EIF3F: variants seen among roughly 807,000 people sequenced by gnomAD.
EIF3F encodes deubiquitinating enzyme eIF3f.
In EIF3F, 8 loss-of-function variants were observed where a neutral mutation model predicts 36.0. That is an observed-to-expected ratio of 0.22 (90% CI 0.13 to 0.40). The LOEUF is 0.40. Ranked by LOEUF, EIF3F falls within the 10% of genes least tolerant of loss-of-function variation. The pLI is 1.00. For synonymous variants in EIF3F, 184 were observed against 188.5 expected, an observed-to-expected ratio of 0.98 and a Z score of 0.19; for missense variants, 430 against 467.6, an observed-to-expected ratio of 0.92 and a Z score of 0.74.
Position 7,996,160 on chromosome 11 carries a change from T to C in EIF3F, c.*138T>C, listed in dbSNP as rs1217767839. The C allele has an allele frequency of 1.4e-6, 1 of 713,166 alleles. No homozygotes were observed. The highest frequency in any genetic ancestry group is 2.6e-5 in the East Asian group (1 of 38,516). The allele number at this position is 713,166 out of a possible 1,614,324, so 44.2% of individuals were successfully genotyped here. A position where few individuals can be genotyped will look rare whatever the true frequency, so the allele number is the denominator to read the frequency against. On this transcript the variant is annotated 3_prime_UTR_variant, in exon 8 of 8. Coordinates refer to ENST00000651655, the MANE Select transcript of EIF3F (RefSeq NM_003754.3). ...TGACTCTAATAAACGGAGCCTACCT[T>C]TTGTAAATTAATTTCATCTTATGTG...
rs1212702967 is a variant in EIF3F at position 7,997,971 on chromosome 11, AG to A, written c.*1951del. 1 of 152,236 alleles carries A rather than the reference AG, an allele frequency of 6.6e-6. No individual in the cohort carries two copies. The highest frequency in any genetic ancestry group is 6.5e-5 in the Admixed American group (1 of 15,284). The allele number at this position is 152,236 out of a possible 1,614,324, so 9.4% of individuals were successfully genotyped here. A position where few individuals can be genotyped will look rare whatever the true frequency, so the allele number is the denominator to read the frequency against. The stretch of plus-strand genomic sequence containing the variant: ...AGAGATGACTTAAAAGTATATGAGA[AG>A]GTATGCACAGGTTATATCCAAATAC... On this transcript the variant is annotated 3_prime_UTR_variant, in exon 8 of 8. Transcript: ENST00000651655.
chr11:7,994,509 G>C lies in EIF3F; in HGVS notation c.737G>C (p.Arg246Pro), dbSNP rs201665082. 4 of 1,613,178 alleles carry C rather than the reference G, an allele frequency of 2.5e-6. No homozygotes were observed. The highest frequency in any genetic ancestry group is 3.4e-6 in the Non-Finnish European group (4 of 1,179,570). Residue 246 changes from arginine to proline, a missense_variant, in exon 5 of 8, where the codon CGC (arginine) becomes CCC (proline). Arg to Pro is a moderately radical substitution (Grantham distance 103, BLOSUM62 -2). Around this residue, in one of 2 missense-constraint regions of EIF3F, gnomAD observed 262 missense variants for 347.4 expected, o/e 0.75. Coordinates refer to ENST00000651655, the MANE Select transcript of EIF3F (RefSeq NM_003754.3). ...AAATACGCGTACTACGACACTGAAC[G>C]CATCGGAGGTGAGTAACCTTTCCAT... is the stretch of plus-strand genomic sequence containing the variant. Reference protein sequence around the residue: ...TVKYAYYDTERIGVDLIMKTC... With the variant: ...TVKYAYYDTEPIGVDLIMKTC...
At chr11:7,992,248 C>G in intron 3 of EIF3F, 85 bp downstream of exon 3, 2 of 1,205,078 alleles carry the variant, frequency 1.7e-6, no homozygotes, top group Non-Finnish European at 2.4e-6. Flanking sequence ...GGATCTTATA[C>G]TCTTCCTTTT....
intron 1 of EIF3F, among the ~76,000 whole-genome samples, chr11:7,990,694 G>C (rs910164842): frequency 3.3e-5 from 5 of 152,192 alleles, no homozygotes; most frequent in East Asian, 1.9e-4. Context: ...TCAGTGAAGG[G>C]AGCAGAAACC....
Position 8,000,180 on chromosome 11 carries a change from CAAGAGTGAG to C in EIF3F, c.*4169_*4177del, listed in dbSNP as rs1006111455. The C allele has an allele frequency of 1.1e-4, 17 of 148,716 alleles. No individual in the cohort carries two copies. Among genetic ancestry groups the C allele is most frequent in the African/African-American group, 3.5e-4 (14 of 40,286 alleles). The allele number at this position is 148,716 out of a possible 1,614,324, so 9.2% of individuals were successfully genotyped here. ...CGCCACTGCAGTCCAGCCTGAGCGACAAGAGTGAGAAGAGTGAGACTTCATCTCAAAAAA... is the reference window on the plus strand; with the variant it reads ...CGCCACTGCAGTCCAGCCTGAGCGACAAGAGTGAGACTTCATCTCAAAAAA... On this transcript the variant is annotated 3_prime_UTR_variant, in exon 8 of 8. Coordinates refer to ENST00000651655, the MANE Select transcript of EIF3F (RefSeq NM_003754.3).
At chr11:7,992,211 A>G in intron 3 of EIF3F, 48 bp downstream of exon 3, 1 of 1,496,016 alleles carries the variant, frequency 6.7e-7, no homozygotes. Flanking sequence ...TCTCTTCGTG[A>G]TTGCCGGTGT....
chr11:7,987,761 C>A, intron 1 of EIF3F, 45 bp downstream of exon 1: 1 of 1,444,706 alleles, frequency 6.9e-7, no homozygotes, highest in Non-Finnish European at 9.1e-7. Context: ...CCTCCCACTT[C>A]TCATTTATCT....
At position 7,988,222 on chromosome 11, in the gene EIF3F, T is replaced by TA. The variant is rs775015299; in HGVS notation, c.364+513dup. On this transcript the variant is annotated intron_variant, in intron 1 of 7. Transcript: ENST00000651655. Reference sequence around the variant, plus strand: ...GTTGTCAAAGGAGTGGGGACGTTTGTAAAAAAACATTCCTCCCAACAAGTA... The same window carrying TA: ...GTTGTCAAAGGAGTGGGGACGTTTGTAAAAAAAACATTCCTCCCAACAAGTA... 5.9e-5 allele frequency among the ~76,000 whole-genome samples: 9 copies of TA among 152,284 alleles called. No homozygotes were observed. In the East Asian group the frequency reaches 9.6e-4, roughly 16 times the overall value.
In EIF3F at chr11:7,987,536, A is replaced by T; in HGVS notation, c.184A>T (p.Thr62Ser). 2 of 1,603,840 alleles carry T rather than the reference A, an allele frequency of 1.2e-6. No individual in the cohort carries two copies. The highest frequency in any genetic ancestry group is 1.7e-5 in the Admixed American group (1 of 59,424). ...GGCTGCAACTGCGGCTCCTGGCCAG[A>T]CCCCGGCCTCAGCGCAAGCTCCAGC... ...AAAATAAPGQTPASAQAPAQT... is the reference protein window; with the variant it reads ...AAAATAAPGQSPASAQAPAQT... The change falls in exon 1 of 8, where the codon ACC (threonine) becomes TCC (serine). Residue 62 changes from threonine to serine, a missense_variant. Coordinates refer to ENST00000651655, the MANE Select transcript of EIF3F (RefSeq NM_003754.3).
intron 2 of EIF3F, 43 bp from the exon 3 acceptor site, chr11:7,992,041 G>T: frequency 1.3e-6 from 2 of 1,598,834 alleles, no homozygotes; most frequent in Non-Finnish European, 1.7e-6. Context: ...ATTTTTCTTT[G>T]GACTTCTGGC....
At chr11:7,994,936 T>A in intron 5 of EIF3F, 46 bp from the exon 6 acceptor site, 1 of 1,604,828 alleles carries the variant, frequency 6.2e-7, no homozygotes, top group South Asian at 1.1e-5. Context: ...TTCTCTCTCT[T>A]ACTGCCCACC....
At position 7,987,419 on chromosome 11, in the gene EIF3F, C is replaced by G; in HGVS notation, c.67C>G (p.Pro23Ala). ...GCCAACCCCAGTCCCGGCGGCGGCCCCAGCCTCAGTTCCAGCGCCAACGCC... is the reference window on the plus strand; with the variant it reads ...GCCAACCCCAGTCCCGGCGGCGGCCGCAGCCTCAGTTCCAGCGCCAACGCC... ...ATPTPVPAAA[P>A]ASVPAPTPAP... The change falls in exon 1 of 8, where the codon CCA (proline) becomes GCA (alanine). Residue 23 changes from proline to alanine, a missense_variant. Transcript: ENST00000651655. The G allele has an allele frequency of 6.2e-7, 1 of 1,601,808 alleles. No homozygotes were observed. Among genetic ancestry groups the G allele is most frequent in the Non-Finnish European group, 8.5e-7 (1 of 1,179,384 alleles).
rs1171169335 is a variant in EIF3F at position 7,987,626 on chromosome 11, G to A, written c.274G>A (p.Val92Ile). The change falls in exon 1 of 8, where the codon GTC (valine) becomes ATC (isoleucine). Residue 92 changes from valine (V) to isoleucine (I), a missense_variant. Val to Ile is a conservative substitution (Grantham distance 29, BLOSUM62 3). Coordinates refer to ENST00000651655, the MANE Select transcript of EIF3F (RefSeq NM_003754.3). ...LPGPFPGGRV[V>I]RLHPVILASI... is the part of the protein sequence containing the mutation. ...AGGGCCCTTCCCCGGCGGCCGCGTG[G>A]TCAGGCTGCACCCAGTCATTTTGGC... The A allele has an allele frequency of 3.2e-6, 5 of 1,580,630 alleles. No homozygotes were observed. Among genetic ancestry groups the A allele is most frequent in the Non-Finnish European group, 4.3e-6 (5 of 1,161,992 alleles).
chr11:7,995,751 A>C (rs1468787008), intron 7 of EIF3F, 194 bp from the exon 8 acceptor site: 1 of 657,444 alleles, frequency 1.5e-6, no homozygotes, highest in Non-Finnish European at 2.7e-6. Flanking sequence ...TAAGTGTATC[A>C]GTAGAGATAA....
Position 7,992,974 on chromosome 11 carries a change from T to C in EIF3F, c.603T>C (p.Thr201=), listed in dbSNP as rs762474947. ...AGGCCCCCAACCCCATCCACCTCAC[T>C]GTGGACACAAGTCTCCAGAACGGCC... ...SREAPNPIHL[T]VDTSLQNGRM... Residue 201 remains threonine (T), a synonymous_variant, in exon 4 of 8, where the codon ACT becomes ACC. Coordinates refer to ENST00000651655, the MANE Select transcript of EIF3F (RefSeq NM_003754.3). 4.3e-6 allele frequency: 7 copies of C among 1,612,610 alleles called. No homozygotes were observed. Among genetic ancestry groups the C allele is most frequent in the Admixed American group, 1.7e-5 (1 of 59,780 alleles).
At chr11:7,995,548 C>T in intron 7 of EIF3F, 181 bp downstream of exon 7, 1 of 620,524 alleles carries the variant, frequency 1.6e-6, no homozygotes, top group South Asian at 1.9e-5. Flanking sequence ...TGGTTGGAGA[C>T]TTCCTTCCTT....
chr11:7,994,809 A>G (rs2133674007), intron 5 of EIF3F, 173 bp from the exon 6 acceptor site: 1 of 961,848 alleles, frequency 1.0e-6, no homozygotes. Flanking sequence ...ATTAGGAGGA[A>G]GAAAAGCTGA....
rs185201024 is a variant in EIF3F, at chr11:7,999,578, T to C, written c.*3556T>C. On this transcript the variant is annotated 3_prime_UTR_variant, in exon 8 of 8. Transcript: ENST00000651655. ...AGAGGGAAACTAGCCCTTCCAGATA[T>C]AAAATATATTATAGAACTGTGTAAT... 4.6e-5 allele frequency: 7 copies of C among 152,216 alleles called. No homozygotes were observed. The highest frequency in any genetic ancestry group is 4.6e-4 in the Admixed American group (7 of 15,288). 9.4% of individuals were successfully genotyped at this position (152,216 alleles called of 1,614,324 possible).
At chr11:7,993,846 ATG>A (rs1942128428) in intron 4 of EIF3F, among the ~76,000 whole-genome samples, 1 of 142,922 alleles carries the variant, frequency 7.0e-6, no homozygotes, top group African/African-American at 2.7e-5. Context: ...ATATATATAT[ATG>A]GATCCAGTAT....
Sources: gnomAD v4.1 joint callset for allele counts (sites outside exome capture counted in the v4.1 genomes callset) on GRCh38, gnomAD v4.1.1 for gene constraint, gnomAD v4.1.1 regional missense constraint, MANE v1.5 for transcripts, NCBI Gene and HGNC (gene_info 2026-07-23, HGNC 2026-07-21) for gene names.